SLC23A2: variants seen among roughly 807,000 people sequenced by gnomAD.
SLC23A2 encodes solute carrier family 23 member 2.
SLC23A2 carries 36 observed loss-of-function variants against 73.3 expected under a neutral mutation model. The ratio of observed to expected loss-of-function variants is 0.49; its 90% CI spans 0.38 to 0.65. The LOEUF (loss-of-function observed/expected upper bound fraction) is 0.65. Among genes scored for constraint, SLC23A2 ranks in the 30% least tolerant of loss-of-function variants. SLC23A2 has a pLI of 0.00. For synonymous variants in SLC23A2, 343 were observed against 327.3 expected, an observed-to-expected ratio of 1.05 and a Z score of -0.52; for missense variants, 507 against 841.6, an observed-to-expected ratio of 0.60 and a Z score of 4.92.
At chr20:4,959,652 C>A (rs1181815380) in intron 2 of SLC23A2, among the ~76,000 whole-genome samples, 3 of 151,988 alleles carry the variant, frequency 2.0e-5, no homozygotes, top group Non-Finnish European at 4.4e-5. Flanking sequence ...TGTGCGCTAC[C>A]ACACCTGGCT....
chr20:4,905,318 G>A (rs979239906), intron 4 of SLC23A2, among the ~76,000 whole-genome samples: 2 of 152,108 alleles, frequency 1.3e-5, no homozygotes, highest in Non-Finnish European at 2.9e-5. Context: ...AAGAGGATCA[G>A]ACAACACTGT....
chr20:4,879,472 G>A (rs1193228282), intron 9 of SLC23A2, among the ~76,000 whole-genome samples: 1 of 147,094 alleles, frequency 6.8e-6, no homozygotes, highest in Non-Finnish European at 1.5e-5. Flanking sequence ...CAACAAGGAT[G>A]TAGGTTGAAT....
At chr20:4,945,318 T>G (rs911507417) in intron 2 of SLC23A2, among the ~76,000 whole-genome samples, 2 of 150,292 alleles carry the variant, frequency 1.3e-5, no homozygotes, top group African/African-American at 5.0e-5. Context: ...GTTTGTTTGT[T>G]TGTCTTTTTT....
chr20:4,936,303 C>G (rs115384515), intron 2 of SLC23A2, among the ~76,000 whole-genome samples: 2 of 152,210 alleles, frequency 1.3e-5, no homozygotes. Flanking sequence ...ATAAAACGGG[C>G]AAATAGGATA....
At chr20:4,952,813 A>G (rs981298202) in intron 2 of SLC23A2, among the ~76,000 whole-genome samples, 2 of 152,132 alleles carry the variant, frequency 1.3e-5, no homozygotes, top group Non-Finnish European at 2.9e-5. Context: ...TCACGAGGTC[A>G]GGAGTTCAAG....
intron 6 of SLC23A2, among the ~76,000 whole-genome samples, chr20:4,891,100 T>C (rs1931313951): frequency 6.6e-6 from 1 of 152,052 alleles, no homozygotes; most frequent in Admixed American, 6.5e-5. Context: ...CACTCCTGTG[T>C]AGAGCTGCTT....
intron 2 of SLC23A2, among the ~76,000 whole-genome samples, chr20:4,958,352 T>G (rs2087325416): frequency 6.6e-6 from 1 of 152,170 alleles, no homozygotes; most frequent in African/African-American, 2.4e-5. Context: ...TAAATCTTAT[T>G]TAAAGCCTAG....
At chr20:4,895,097 G>A (rs1430041320) in intron 6 of SLC23A2, among the ~76,000 whole-genome samples, 1 of 152,226 alleles carries the variant, frequency 6.6e-6, no homozygotes, top group Admixed American at 6.5e-5. Flanking sequence ...ATACAGAACC[G>A]AAACACAACA....
chr20:4,932,443 G>C lies in SLC23A2; in HGVS notation c.108+12C>G. 2.9e-6 allele frequency: 4 copies of C among 1,370,130 alleles called. No individual in the cohort carries two copies. The highest frequency in any genetic ancestry group is 4.2e-6 in the Non-Finnish European group (4 of 956,914). 84.9% of individuals were successfully genotyped at this position (1,370,130 alleles called of 1,614,324 possible). ...AAGAGATTTAAGAAAGGAAGATGGGGAATATGATTACCGGAAGAGTGAAGA... is the reference window on the plus strand; with the variant it reads ...AAGAGATTTAAGAAAGGAAGATGGGCAATATGATTACCGGAAGAGTGAAGA... On this transcript the variant is annotated intron_variant, in intron 3 of 16. Transcript: ENST00000338244.
At chr20:4,942,717 G>T (rs1429964075) in intron 2 of SLC23A2, among the ~76,000 whole-genome samples, 1 of 152,224 alleles carries the variant, frequency 6.6e-6, no homozygotes, top group African/African-American at 2.4e-5. Context: ...GGAGAAATGT[G>T]ATGGCACTGT....
Position 4,899,871 on chromosome 20 carries a change from G to A in SLC23A2, c.325-159C>T, listed in dbSNP as rs549669989. ...GCCATACTTTTTTCCTTCTTTTTCA[G>A]TATTTCTCCTTTGTTGTTAAGACAG... On this transcript the variant is annotated intron_variant, in intron 5 of 16. Coordinates refer to ENST00000338244, the MANE Select transcript of SLC23A2 (RefSeq NM_005116.6). This position sits in a 1 kb window ranked among gnomAD's most constrained non-coding sequence, Gnocchi z 4.9. Among the ~76,000 whole-genome samples, 1 of 152,146 alleles carries A rather than the reference G, an allele frequency of 6.6e-6. No individual in the cohort carries two copies. Among genetic ancestry groups the A allele is most frequent in the South Asian group, 2.1e-4 (1 of 4,802 alleles).
rs1352132743 is a variant in SLC23A2, at chr20:4,863,782, T to C, written c.1357-875A>G. On this transcript the variant is annotated intron_variant, in intron 13 of 16. Transcript: ENST00000338244. The surrounding 1 kb of genome is among the most constrained non-coding windows in gnomAD (Gnocchi z 4.8). Reference sequence around the variant, plus strand: ...GACACCCTTCCCTGTGGTTCCCTCCTAGCCAGATCCTAGATGCATCCTTTT... The same window carrying C: ...GACACCCTTCCCTGTGGTTCCCTCCCAGCCAGATCCTAGATGCATCCTTTT... 6.6e-6 allele frequency among the ~76,000 whole-genome samples: 1 copy of C among 152,214 alleles called. No homozygotes were observed. Among genetic ancestry groups the C allele is most frequent in the Non-Finnish European group, 1.5e-5 (1 of 68,040 alleles).
chr20:4,888,779 C>T (rs748933430), intron 6 of SLC23A2, among the ~76,000 whole-genome samples: 57 of 152,280 alleles, frequency 3.7e-4, no homozygotes, highest in Admixed American at 7.2e-4. Flanking sequence ...TAATGTGTTC[C>T]CCTACAACTT....
At chr20:4,890,251 G>T (rs1450100761) in intron 6 of SLC23A2, among the ~76,000 whole-genome samples, 1 of 152,118 alleles carries the variant, frequency 6.6e-6, no homozygotes, top group East Asian at 1.9e-4. Context: ...TAAACTGCAG[G>T]AAAAATTTTT....
At chr20:4,873,871 A>G (rs780219869) in intron 11 of SLC23A2, 65 bp downstream of exon 11, 68 of 1,503,834 alleles carry the variant, frequency 4.5e-5, no homozygotes, top group Non-Finnish European at 5.8e-5. Flanking sequence ...TGTTCTGCCA[A>G]ATTCCCACCC....
chr20:4,925,411 T>C (rs978709795), intron 3 of SLC23A2, among the ~76,000 whole-genome samples: 3 of 152,156 alleles, frequency 2.0e-5, no homozygotes, highest in Non-Finnish European at 4.4e-5. Context: ...TGCCACAAGA[T>C]TGACGTATTT....
intron 9 of SLC23A2, among the ~76,000 whole-genome samples, chr20:4,877,463 G>A (rs1309753709): frequency 2.6e-5 from 4 of 151,930 alleles, no homozygotes; most frequent in Non-Finnish European, 4.4e-5. Context: ...CAAATTATTG[G>A]GGTAAAAATG....
chr20:4,983,389 G>A (rs1264310418), intron 1 of SLC23A2, among the ~76,000 whole-genome samples: 1 of 152,172 alleles, frequency 6.6e-6, no homozygotes, highest in Non-Finnish European at 1.5e-5. Flanking sequence ...GCTCACGCCT[G>A]TAATCCCAGC....
chr20:4,860,397 T>C (rs1929910200), intron 15 of SLC23A2, among the ~76,000 whole-genome samples: 1 of 152,226 alleles, frequency 6.6e-6, no homozygotes, highest in African/African-American at 2.4e-5. Flanking sequence ...GCCATGTCTG[T>C]CATACCGTGT....
Sources: allele counts gnomAD v4.1 joint callset (sites outside exome capture counted in the v4.1 genomes callset), GRCh38; gene constraint gnomAD v4.1.1; non-coding constraint Gnocchi (gnomAD v3.1); transcripts MANE v1.5; gene names NCBI Gene and HGNC (gene_info 2026-07-23, HGNC 2026-07-21).